The following KCNH7 variants were observed in gnomAD, a reference collection of about 807,000 sequenced individuals.
KCNH7 encodes potassium voltage-gated channel subfamily H member 7.
Under a neutral mutation model 120.8 loss-of-function variants are expected in KCNH7, and 49 were observed. The ratio of observed to expected loss-of-function variants is 0.41; its 90% CI spans 0.32 to 0.51. KCNH7 has a LOEUF of 0.51. KCNH7 is among the 20% of genes least tolerant of loss of function. The probability of loss-of-function intolerance (pLI) is 0.38; values close to 1 mark genes in which losing one functional copy is unlikely to be tolerated. For synonymous variants in KCNH7, 547 were observed against 516.1 expected (o/e 1.06, Z -0.81); for missense variants, 1,097 against 1,446.6 (o/e 0.76, Z 3.92).
chr2:162,743,162 A>ATC (rs1688197830), intron 2 of KCNH7, among the ~76,000 whole-genome samples: 1 of 152,166 alleles, frequency 6.6e-6, no homozygotes, highest in Admixed American at 6.5e-5. Flanking sequence ...TACCATCTGC[A>ATC]TCTCTCTCTG....
At chr2:162,459,412 TG>T (rs1385423979) in intron 6 of KCNH7, among the ~76,000 whole-genome samples, 1 of 152,060 alleles carries the variant, frequency 6.6e-6, no homozygotes, top group Non-Finnish European at 1.5e-5. Flanking sequence ...ATTCCTAAAG[TG>T]TAGTTATTGC....
At chr2:162,512,161 C>T (rs1044293556) in intron 5 of KCNH7, among the ~76,000 whole-genome samples, 1 of 151,724 alleles carries the variant, frequency 6.6e-6, no homozygotes, top group African/African-American at 2.4e-5. Flanking sequence ...AACTGTCATG[C>T]ATATATAGTT....
chr2:162,376,296 T>A (rs1229880701), intron 14 of KCNH7, among the ~76,000 whole-genome samples: 2 of 151,988 alleles, frequency 1.3e-5, no homozygotes, highest in African/African-American at 4.8e-5. Flanking sequence ...TAAATTGCTC[T>A]GTGTGCAATG....
intron 2 of KCNH7, among the ~76,000 whole-genome samples, chr2:162,687,796 G>C (rs1685949906): frequency 6.6e-6 from 1 of 152,102 alleles, no homozygotes. Flanking sequence ...AACATCACTA[G>C]ACTGATTTTG....
rs571425259 is a variant in KCNH7 at position 162,779,529 on chromosome 2, C to T, written c.307+57008G>A. On this transcript the variant is annotated intron_variant, in intron 2 of 15. Coordinates refer to ENST00000332142, the MANE Select transcript of KCNH7 (RefSeq NM_033272.4). ...AAATTTATATACATCTTTTTATACGCGTGCACACAATATTATACTCTTTCC... is the reference window on the plus strand; with the variant it reads ...AAATTTATATACATCTTTTTATACGTGTGCACACAATATTATACTCTTTCC... 3.9e-5 allele frequency among the ~76,000 whole-genome samples: 6 copies of T among 152,220 alleles called. No homozygotes were observed. The South Asian group carries it at 8.3e-4, about 21-fold the overall frequency.
chr2:162,488,742 T>C (rs1195779645), intron 6 of KCNH7, among the ~76,000 whole-genome samples: 1 of 152,178 alleles, frequency 6.6e-6, no homozygotes, highest in Admixed American at 6.5e-5. Context: ...GTTCTTCCTT[T>C]CTAATAAACT....
chr2:162,780,558 A>G (rs1203413122), intron 2 of KCNH7, among the ~76,000 whole-genome samples: 1 of 152,148 alleles, frequency 6.6e-6, no homozygotes, highest in Non-Finnish European at 1.5e-5. Context: ...CCAGTGCCCT[A>G]CGTTTTGTGA....
chr2:162,439,158 A>G (rs1043876039), intron 7 of KCNH7, among the ~76,000 whole-genome samples: 3 of 152,094 alleles, frequency 2.0e-5, no homozygotes, highest in Non-Finnish European at 2.9e-5. Flanking sequence ...TTGATTTTTG[A>G]AAATATAATA....
intron 4 of KCNH7, among the ~76,000 whole-genome samples, chr2:162,513,767 C>A (rs1160399523): frequency 6.6e-6 from 1 of 151,512 alleles, no homozygotes; most frequent in African/African-American, 2.4e-5. Context: ...CATTCTTAGG[C>A]AAAAATAATT....
chr2:162,638,697 C>T (rs1684046099), intron 2 of KCNH7, among the ~76,000 whole-genome samples: 1 of 151,992 alleles, frequency 6.6e-6, no homozygotes, highest in Admixed American at 6.6e-5. Flanking sequence ...TTTCTGTGTG[C>T]AAACATTTAC....
chr2:162,562,403 T>C (rs1417865129), intron 2 of KCNH7, among the ~76,000 whole-genome samples: 1 of 152,192 alleles, frequency 6.6e-6, no homozygotes, highest in Non-Finnish European at 1.5e-5. Context: ...TGTCTGTGTA[T>C]ATGCCACTGT....
intron 7 of KCNH7, among the ~76,000 whole-genome samples, chr2:162,439,015 G>T (rs182862193): frequency 1.3e-5 from 2 of 151,988 alleles, no homozygotes; most frequent in African/African-American, 4.8e-5. Context: ...AAGTGAAACA[G>T]GACCAACAAC....
chr2:162,444,252 C>G (rs747311941), intron 7 of KCNH7, among the ~76,000 whole-genome samples: 1 of 152,160 alleles, frequency 6.6e-6, no homozygotes, highest in Non-Finnish European at 1.5e-5. Context: ...CAAACTTTGT[C>G]TGATTTACTT....
chr2:162,621,653 T>A (rs1033460460), intron 2 of KCNH7, among the ~76,000 whole-genome samples: 2 of 152,202 alleles, frequency 1.3e-5, no homozygotes, highest in Non-Finnish European at 2.9e-5. Flanking sequence ...ATTCAGTACT[T>A]ACTCTGTGCC....
intron 2 of KCNH7, among the ~76,000 whole-genome samples, chr2:162,579,348 A>T (rs1693797151): frequency 6.6e-6 from 1 of 152,086 alleles, no homozygotes; most frequent in Non-Finnish European, 1.5e-5. Flanking sequence ...ATGCAGGCTT[A>T]TTCAGCTTTG....
intron 2 of KCNH7, among the ~76,000 whole-genome samples, chr2:162,792,115 T>TA (rs1683967656): frequency 6.6e-6 from 1 of 152,190 alleles, no homozygotes; most frequent in Non-Finnish European, 1.5e-5. Flanking sequence ...GAACCAAACT[T>TA]GCATCCCAGG....
At chr2:162,605,590 A>T (rs1682728853) in intron 2 of KCNH7, among the ~76,000 whole-genome samples, 1 of 152,138 alleles carries the variant, frequency 6.6e-6, no homozygotes, top group Non-Finnish European at 1.5e-5. Flanking sequence ...AATTGCTAGG[A>T]AAAAGTAAAA....
At chr2:162,798,946 G>A (rs1040235037) in intron 2 of KCNH7, among the ~76,000 whole-genome samples, 5 of 151,976 alleles carry the variant, frequency 3.3e-5, no homozygotes, top group Admixed American at 1.3e-4. Flanking sequence ...GACATCCAGT[G>A]TCATCTCACA....
chr2:162,762,078 A>G (rs1688987393), intron 2 of KCNH7, among the ~76,000 whole-genome samples: 1 of 151,968 alleles, frequency 6.6e-6, no homozygotes, highest in Non-Finnish European at 1.5e-5. Context: ...AAGAATACAA[A>G]GGCTCCCTTT....
Sources: gnomAD v4.1 joint callset for allele counts (sites outside exome capture counted in the v4.1 genomes callset) on GRCh38, gnomAD v4.1.1 for gene constraint, MANE v1.5 for transcripts, NCBI Gene and HGNC (gene_info 2026-07-23, HGNC 2026-07-21) for gene names.